ROBO2: variants seen among roughly 807,000 people sequenced by gnomAD.
The protein encoded by ROBO2 is roundabout homolog 2.
Under a neutral mutation model 160.8 loss-of-function variants are expected in ROBO2, and 53 were observed. The ratio of observed to expected loss-of-function variants is 0.33; its 90% CI spans 0.26 to 0.41. The LOEUF is 0.41. Among genes scored for constraint, ROBO2 ranks in the 10% least tolerant of loss-of-function variants. The pLI is 1.00. For synonymous variants in ROBO2, 664 were observed against 611.7 expected, an observed-to-expected ratio of 1.09 and a Z score of -1.26; for missense variants, 1,577 against 1,722.4, an observed-to-expected ratio of 0.92 and a Z score of 1.49.
intron 4 of ROBO2, among the ~76,000 whole-genome samples, chr3:77,490,563 C>T (rs1047587952): frequency 6.6e-6 from 1 of 152,100 alleles, no homozygotes; most frequent in Non-Finnish European, 1.5e-5. Flanking sequence ...AAGTAACCTC[C>T]TTTATCTCAT....
intron 2 of ROBO2, among the ~76,000 whole-genome samples, chr3:76,042,257 T>C (rs2107769522): frequency 6.6e-6 from 1 of 152,138 alleles, no homozygotes; most frequent in Non-Finnish European, 1.5e-5. Flanking sequence ...TACTTGATTT[T>C]AATGCATGAT....
intron 2 of ROBO2, among the ~76,000 whole-genome samples, chr3:76,807,478 A>G (rs557430251): frequency 6.6e-6 from 1 of 152,246 alleles, no homozygotes; most frequent in South Asian, 2.1e-4. Flanking sequence ...CATTGATAAG[A>G]ACACCTGCTA....
At chr3:76,496,240 T>C (rs901444199) in intron 2 of ROBO2, among the ~76,000 whole-genome samples, 7 of 152,392 alleles carry the variant, frequency 4.6e-5, no homozygotes, top group Admixed American at 4.6e-4. Context: ...TTAAGTTTCA[T>C]TTGTAATTCT....
chr3:75,954,601 G>A (rs1559780930), intron 2 of ROBO2, among the ~76,000 whole-genome samples: 1 of 151,710 alleles, frequency 6.6e-6, no homozygotes, highest in Non-Finnish European at 1.5e-5. Flanking sequence ...TCACAGAAAA[G>A]AAGTTCAAAA....
intron 2 of ROBO2, among the ~76,000 whole-genome samples, chr3:76,913,762 G>T (rs1465171010): frequency 2.0e-5 from 3 of 152,098 alleles, no homozygotes; most frequent in African/African-American, 7.2e-5. Context: ...GAGTAACTGT[G>T]AATAATACTC....
chr3:77,212,042 T>G (rs1247329531), intron 2 of ROBO2, among the ~76,000 whole-genome samples: 4 of 152,194 alleles, frequency 2.6e-5, no homozygotes, highest in Non-Finnish European at 5.9e-5. Context: ...GGCTTAGGAT[T>G]GACTTGGCAC....
At chr3:77,404,272 G>A (rs1362445847) in intron 2 of ROBO2, among the ~76,000 whole-genome samples, 1 of 152,086 alleles carries the variant, frequency 6.6e-6, no homozygotes, top group African/African-American at 2.4e-5. Context: ...TGTATTTGTA[G>A]GATGTAAGGA....
At chr3:76,019,939 C>A (rs2107657506) in intron 2 of ROBO2, among the ~76,000 whole-genome samples, 1 of 151,744 alleles carries the variant, frequency 6.6e-6, no homozygotes, top group African/African-American at 2.4e-5. Context: ...ACTGTATATT[C>A]CTTGGAATTG....
At chr3:76,921,473 G>C (rs544234004) in intron 2 of ROBO2, among the ~76,000 whole-genome samples, 91 of 152,188 alleles carry the variant, frequency 6.0e-4, no homozygotes, top group African/African-American at 2.2e-3. Flanking sequence ...TTAGCTGGGC[G>C]TGGTGACGCA....
intron 2 of ROBO2, among the ~76,000 whole-genome samples, chr3:77,269,232 A>G (rs1411106130): frequency 1.3e-5 from 2 of 152,218 alleles, no homozygotes; most frequent in African/African-American, 4.8e-5. Context: ...ATGTTCATTT[A>G]TGAGTCACTA....
chr3:77,334,058 A>G (rs1354631742), intron 2 of ROBO2, among the ~76,000 whole-genome samples: 1 of 152,140 alleles, frequency 6.6e-6, no homozygotes, highest in East Asian at 1.9e-4. Flanking sequence ...CTTTGAGTAA[A>G]TGTTCTTAAA....
rs1421554838 is a variant in ROBO2, at chr3:76,883,669, A to G, written c.110-214345A>G. 2.6e-5 allele frequency among the ~76,000 whole-genome samples: 4 copies of G among 152,312 alleles called. No homozygotes were observed. The East Asian group carries it at 5.8e-4, about 22-fold the overall frequency. On this transcript the variant is annotated intron_variant, in intron 2 of 26. Transcript: ENST00000487694. ...TATGATCTAAGGTTGCTAACTATTC[A>G]TTGACTTTATCTGGTGTCCAATACA...
At chr3:76,991,309 A>G (rs1197078696) in intron 2 of ROBO2, among the ~76,000 whole-genome samples, 1 of 152,214 alleles carries the variant, frequency 6.6e-6, no homozygotes, top group African/African-American at 2.4e-5. Context: ...AAGTCAAACT[A>G]TTGTGTAATA....
At chr3:77,126,712 A>ATAT (rs1553784507) in intron 2 of ROBO2, among the ~76,000 whole-genome samples, 1 of 127,612 alleles carries the variant, frequency 7.8e-6, no homozygotes, top group Admixed American at 7.5e-5. Context: ...ATATATATAT[A>ATAT]TTTTTTTTCC....
intron 2 of ROBO2, among the ~76,000 whole-genome samples, chr3:76,540,091 CA>C (rs1021124371): frequency 2.8e-4 from 42 of 151,350 alleles, no homozygotes; most frequent in African/African-American, 1.0e-3. Context: ...ATTCCTGTAA[CA>C]GAGTTGAGTA....
rs1296485554 is a variant in ROBO2, at chr3:77,575,218, C to A, written c.2203+488C>A. ...CAGTAGCTTTCTTCTTAGTGAAGTT[C>A]CCTCGTTCTCCCCACTTTGGACCTT... is the stretch of plus-strand genomic sequence containing the variant. On this transcript the variant is annotated intron_variant, in intron 14 of 25. Transcript: ENST00000461745. Among the ~76,000 whole-genome samples, 32 of 152,048 alleles carry A rather than the reference C, an allele frequency of 2.1e-4. 1 individual carries two copies. Among genetic ancestry groups the A allele is most frequent in the Admixed American group, 2.1e-3 (32 of 15,238 alleles).
chr3:76,311,384 C>T lies in ROBO2; in HGVS notation c.109+373782C>T, dbSNP rs980440861. ...TGGACCAACTCTGAGCAAGCTGACC[C>T]GGACCCCCTGGAAAGGAAAACCTTG... is the stretch of plus-strand genomic sequence containing the variant. On this transcript the variant is annotated intron_variant, in intron 2 of 26. Transcript: ENST00000487694. 3 of 152,150 alleles carry T rather than the reference C, an allele frequency of 2.0e-5. 1 individual carries two copies. In the South Asian group the frequency reaches 6.2e-4, roughly 32 times the overall value. The allele number at this position is 152,150 out of a possible 1,614,324, so 9.4% of individuals were successfully genotyped here. A position where few individuals can be genotyped will look rare whatever the true frequency, so the allele number is the denominator to read the frequency against.
chr3:77,025,117 G>A (rs2062884216), intron 2 of ROBO2, among the ~76,000 whole-genome samples: 1 of 152,036 alleles, frequency 6.6e-6, no homozygotes, highest in Non-Finnish European at 1.5e-5. Context: ...GAGGTCTAAG[G>A]GAAGTCACCC....
intron 6 of ROBO2, among the ~76,000 whole-genome samples, chr3:77,525,237 TG>T (rs766518424): frequency 7.5e-5 from 5 of 66,830 alleles, no homozygotes; most frequent in South Asian, 5.1e-4. Context: ...ATCCACCTGC[TG>T]TTTTTTTTTT....
Sources: gnomAD v4.1 joint callset for allele counts (sites outside exome capture counted in the v4.1 genomes callset) on GRCh38, gnomAD v4.1.1 for gene constraint, MANE v1.5 for transcripts, NCBI Gene and HGNC (gene_info 2026-07-23, HGNC 2026-07-21) for gene names.